USP30: variants seen among roughly 807,000 people sequenced by gnomAD.
USP30 encodes ubiquitin specific peptidase 30, also known as ubiquitin carboxyl-terminal hydrolase 30.
Under a neutral mutation model 68.2 loss-of-function variants are expected in USP30, and 41 were observed. That is an observed-to-expected ratio of 0.60 (90% CI 0.47 to 0.78). The LOEUF is 0.78. Among genes scored for constraint, USP30 ranks in the 30% least tolerant of loss-of-function variants. The probability of loss-of-function intolerance (pLI) is 0.00; values close to 1 mark genes in which losing one functional copy is unlikely to be tolerated. For missense variants in USP30, 522 were observed against 649.4 expected, an observed-to-expected ratio of 0.80 and a Z score of 2.13; for synonymous variants, 229 against 253.7, an observed-to-expected ratio of 0.90 and a Z score of 0.93.
intron 3 of USP30, among the ~76,000 whole-genome samples, chr12:109,058,352 CG>C (rs2040943957): frequency 6.6e-6 from 1 of 152,082 alleles, no homozygotes; most frequent in Admixed American, 6.6e-5. Flanking sequence ...AGGTGGATCA[CG>C]AGGTCAGGAG....
chr12:109,086,024 C>T lies in USP30; in HGVS notation c.*93C>T. ...ACTGTTGCGTGTGCAAGCGGCCCCA[C>T]TAGAGCCTTCCAGCCTTCTGGTGTG... On this transcript the variant is annotated 3_prime_UTR_variant, in exon 13 of 13. Coordinates refer to ENST00000257548, the MANE Select transcript of USP30 (RefSeq NM_032663.5). 1 of 1,477,118 alleles carries T rather than the reference C, an allele frequency of 6.8e-7. No individual in the cohort carries two copies. The highest frequency in any genetic ancestry group is 9.0e-7 in the Non-Finnish European group (1 of 1,109,762). 91.5% of individuals were successfully genotyped at this position (1,477,118 alleles called of 1,614,324 possible). A position where few individuals can be genotyped will look rare whatever the true frequency, so the allele number is the denominator to read the frequency against.
intron 3 of USP30, 53 bp downstream of exon 3, chr12:109,058,161 A>G (rs1278236552): frequency 7.9e-6 from 12 of 1,526,378 alleles, no homozygotes; most frequent in South Asian, 1.3e-5. Flanking sequence ...AGAAGTCCAG[A>G]TGACAGAGAC....
chr12:109,082,846 C>T lies in USP30; in HGVS notation c.952C>T (p.Pro318Ser). The change falls in exon 11 of 13, where the codon CCT (proline) becomes TCT (serine). Residue 318 changes from proline to serine, a missense_variant. Pro to Ser is a moderately conservative substitution (Grantham distance 74). Coordinates refer to ENST00000257548, the MANE Select transcript of USP30 (RefSeq NM_032663.5). The part of the protein sequence containing the change: ...FVKQLKLGKL[P>S]QCLCIHLQRL... ...CCGATTTCTCTTCCACCCGCAGCTC[C>T]CTCAGTGTCTCTGCATCCACCTACA... 6.2e-7 allele frequency: 1 copy of T among 1,613,504 alleles called. No homozygotes were observed. The highest frequency in any genetic ancestry group is 8.5e-7 in the Non-Finnish European group (1 of 1,179,562).
chr12:109,077,663 A>G (rs888996681), intron 7 of USP30, among the ~76,000 whole-genome samples: 2 of 152,102 alleles, frequency 1.3e-5, no homozygotes, highest in Non-Finnish European at 2.9e-5. Context: ...ATGTGATTAG[A>G]TTTAGGTCTG....
chr12:109,043,253 G>A (rs922086177), intron 3 of USP30, among the ~76,000 whole-genome samples: 2 of 152,102 alleles, frequency 1.3e-5, no homozygotes, highest in South Asian at 2.1e-4. Context: ...TTCTAAATTC[G>A]TGTGGACTCT....
intron 7 of USP30, among the ~76,000 whole-genome samples, chr12:109,079,263 T>A (rs1415028382): frequency 6.6e-6 from 1 of 151,536 alleles, no homozygotes; most frequent in Non-Finnish European, 1.5e-5. Context: ...TTCTGTGTGT[T>A]CTTTAAATTA....
intron 2 of USP30, among the ~76,000 whole-genome samples, chr12:109,025,611 T>C (rs999693849): frequency 2.0e-5 from 3 of 151,882 alleles, no homozygotes; most frequent in Admixed American, 6.6e-5. Context: ...GTATCTCATA[T>C]AGAAATTTGC....
chr12:109,086,814 G>C lies in USP30; in HGVS notation c.*883G>C, dbSNP rs1169353906. ...CCATGCAGAGCTCTTAAGGTTTACA[G>C]GTGGGAGCTTGGGGCTGTATAAAAA... is the stretch of plus-strand genomic sequence containing the variant. On this transcript the variant is annotated 3_prime_UTR_variant, in exon 13 of 13. Transcript: ENST00000257548. 6.6e-6 allele frequency: 1 copy of C among 152,202 alleles called. No homozygotes were observed. The highest frequency in any genetic ancestry group is 1.5e-5 in the Non-Finnish European group (1 of 68,050). 9.4% of individuals were successfully genotyped at this position (152,202 alleles called of 1,614,324 possible). A position where few individuals can be genotyped will look rare whatever the true frequency, so the allele number is the denominator to read the frequency against.
intron 3 of USP30, among the ~76,000 whole-genome samples, chr12:109,044,810 A>T (rs2040589916): frequency 6.6e-6 from 1 of 152,140 alleles, no homozygotes; most frequent in Non-Finnish European, 1.5e-5. Flanking sequence ...TCTGATAAAC[A>T]TCCAAATTGC....
intron 2 of USP30, among the ~76,000 whole-genome samples, chr12:109,025,651 A>C (rs1359347731): frequency 1.3e-5 from 2 of 152,086 alleles, no homozygotes. Context: ...CAGCTAAAAG[A>C]CTGAGAGTGG....
rs73413074 is a variant in USP30, at chr12:109,070,643, C to T, written c.481-969C>T. On this transcript the variant is annotated intron_variant, in intron 4 of 12. Coordinates refer to ENST00000257548, the MANE Select transcript of USP30 (RefSeq NM_032663.5). This position sits in a 1 kb window ranked among gnomAD's most constrained non-coding sequence, Gnocchi z 4.0. ...CTCTGGTGGCAGTGTGAGGGGACACCAAAGGAGAAGCAGAGGGCCTGTGTT... is the reference window on the plus strand; with the variant it reads ...CTCTGGTGGCAGTGTGAGGGGACACTAAAGGAGAAGCAGAGGGCCTGTGTT... Among the ~76,000 whole-genome samples the T allele has an allele frequency of 0.018, 2,763 of 152,126 alleles. 60 individuals are homozygous for T. Among genetic ancestry groups the T allele is most frequent in the African/African-American group, 0.054 (2,254 of 41,488 alleles).
intron 1 of USP30, 101 bp from the exon 2 acceptor site, chr12:109,056,581 A>C: frequency 1.4e-6 from 1 of 704,134 alleles, no homozygotes; most frequent in African/African-American, 1.8e-5. Flanking sequence ...GCAATTAGGT[A>C]TTTGGTGGGT....
chr12:109,052,638 G>GGCA lies in USP30; in HGVS notation c.-40_-39insCAG. On this transcript the variant is annotated 5_prime_UTR_variant, in exon 1 of 13. Transcript: ENST00000257548. ...CCCTCGGTCCGGCGGCGGCGGCGGC[G>GGCA]GTAGCGGAGGAGACGGTTTCAGGCC... 2 of 1,458,926 alleles carry GGCA rather than the reference G, an allele frequency of 1.4e-6. No individual in the cohort carries two copies. Among genetic ancestry groups the GGCA allele is most frequent in the Admixed American group, 2.6e-5 (1 of 38,144 alleles). The allele number at this position is 1,458,926 out of a possible 1,614,324, so 90.4% of individuals were successfully genotyped here.
At chr12:109,080,368 G>C (rs981767538) in intron 7 of USP30, among the ~76,000 whole-genome samples, 1 of 152,162 alleles carries the variant, frequency 6.6e-6, no homozygotes, top group Non-Finnish European at 1.5e-5. Flanking sequence ...TTTTCCAACA[G>C]TTGACTTCTT....
intron 8 of USP30, 39 bp downstream of exon 8, chr12:109,081,432 G>A: frequency 6.2e-7 from 1 of 1,607,860 alleles, no homozygotes; most frequent in South Asian, 1.1e-5. Context: ...GTCTGTTTCA[G>A]AAACATTTCA....
chr12:109,037,426 A>T (rs932192615), intron 3 of USP30, among the ~76,000 whole-genome samples: 4 of 152,084 alleles, frequency 2.6e-5, no homozygotes, highest in African/African-American at 9.7e-5. Context: ...CCTCAAACAC[A>T]ATTTTTACTG....
At chr12:109,043,164 T>A (rs984120408) in intron 3 of USP30, among the ~76,000 whole-genome samples, 1 of 152,288 alleles carries the variant, frequency 6.6e-6, no homozygotes, top group Non-Finnish European at 1.5e-5. Flanking sequence ...AAAATGTCAA[T>A]ACTACCCAAA....
intron 1 of USP30, chr12:109,054,861 T>A (rs2040792630): frequency 6.6e-6 from 1 of 152,220 alleles, no homozygotes; most frequent in South Asian, 2.1e-4. Context: ...CAAATATTTA[T>A]CTGAAATTCA....
intron 3 of USP30, among the ~76,000 whole-genome samples, chr12:109,039,619 T>C (rs74998271): frequency 3.9e-4 from 49 of 126,392 alleles, no homozygotes; most frequent in Non-Finnish European, 1.1e-4. Flanking sequence ...TAAGAATCCA[T>C]TTTTTTTTTT....
Sources: allele counts gnomAD v4.1 joint callset (sites outside exome capture counted in the v4.1 genomes callset), GRCh38; gene constraint gnomAD v4.1.1; non-coding constraint Gnocchi (gnomAD v3.1); transcripts MANE v1.5; gene names NCBI Gene and HGNC (gene_info 2026-07-23, HGNC 2026-07-21).